The following DNAH6 variants were observed in gnomAD, a reference collection of about 807,000 sequenced individuals.
The protein encoded by DNAH6 is dynein axonemal heavy chain 6, also known as axonemal beta dynein heavy chain 6.
Under a neutral mutation model 491.4 loss-of-function variants are expected in DNAH6, and 340 were observed. The ratio of observed to expected loss-of-function variants is 0.69; its 90% CI spans 0.63 to 0.76. DNAH6 has a LOEUF of 0.76. Among genes scored for constraint, DNAH6 ranks in the 30% least tolerant of loss-of-function variants. The probability of loss-of-function intolerance (pLI) is 0.00; values close to 1 mark genes in which losing one functional copy is unlikely to be tolerated. For missense variants in DNAH6, 4,443 were observed against 4,972.2 expected, an observed-to-expected ratio of 0.89 and a Z score of 3.20; for synonymous variants, 1,603 against 1,686.1, an observed-to-expected ratio of 0.95 and a Z score of 1.21.
rs201811286 is a variant in DNAH6 at position 84,733,510 on chromosome 2, G to A, written c.10273G>A (p.Glu3425Lys). The A allele has an allele frequency of 3.7e-5, 58 of 1,551,360 alleles. No individual in the cohort carries two copies. Among genetic ancestry groups the A allele is most frequent in the Non-Finnish European group, 7.0e-6 (8 of 1,146,818 alleles). ...TACATGGTTCGCATGCTGTGACTTGGAAGAATCATTTCCAGTTTTTCACGG... is the reference window on the plus strand; with the variant it reads ...TACATGGTTCGCATGCTGTGACTTGAAAGAATCATTTCCAGTTTTTCACGG... Reference protein sequence around the residue: ...TATWFACCDLEESFPVFHGLT... With the variant: ...TATWFACCDLKESFPVFHGLT... The change falls in exon 62 of 77, where the codon GAA becomes AAA. Residue 3425 changes from glutamate to lysine, a missense_variant. By Grantham distance (56) the Glu-to-Lys change is moderately conservative (BLOSUM62 1). Coordinates refer to ENST00000389394, the MANE Select transcript of DNAH6 (RefSeq NM_001370.2).
At chr2:84,489,889 G>A in the DNAH6 span, among the ~76,000 whole-genome samples, 3,561 of 152,114 alleles carry the variant, frequency 0.023, 81 homozygotes, top group Non-Finnish European at 0.03. Context: ...CATTTCTAAC[G>A]AGTTCCCAGG....
intron 17 of DNAH6, among the ~76,000 whole-genome samples, chr2:84,595,119 A>G (rs190288338): frequency 2.5e-3 from 380 of 152,280 alleles, no homozygotes; most frequent in African/African-American, 8.6e-3. Flanking sequence ...TGGACTTAGA[A>G]AAAAAGAAAA....
At chr2:84,688,625 T>G in intron 45 of DNAH6, 32 bp downstream of exon 45, 3 of 1,478,838 alleles carry the variant, frequency 2.0e-6, no homozygotes, top group African/African-American at 1.5e-5. Flanking sequence ...AATAATGCAT[T>G]GATTTAATAT....
intron 63 of DNAH6, among the ~76,000 whole-genome samples, chr2:84,759,022 G>A (rs1272448145): frequency 6.6e-6 from 1 of 151,886 alleles, no homozygotes; most frequent in African/African-American, 2.4e-5. Flanking sequence ...TTGATGATAT[G>A]GTATAGTATG....
At chr2:84,686,136 C>T (rs1694234314) in intron 43 of DNAH6, among the ~76,000 whole-genome samples, 1 of 150,852 alleles carries the variant, frequency 6.6e-6, no homozygotes, top group Non-Finnish European at 1.5e-5. Flanking sequence ...TGCGGTGAGC[C>T]GAGATCGCAT....
At chr2:84,786,855 A>AT (rs756726779) in intron 67 of DNAH6, among the ~76,000 whole-genome samples, 1 of 151,682 alleles carries the variant, frequency 6.6e-6, no homozygotes, top group South Asian at 2.1e-4. Flanking sequence ...TGTAGGTGAA[A>AT]TTTTTTTTTC....
intron 29 of DNAH6, among the ~76,000 whole-genome samples, chr2:84,625,727 A>G (rs1368646199): frequency 1.3e-5 from 2 of 152,162 alleles, no homozygotes; most frequent in Admixed American, 6.5e-5. Context: ...TATATTTTTG[A>G]AAATCTCTAA....
At chr2:84,717,467 C>T (rs1163998125) in intron 58 of DNAH6, among the ~76,000 whole-genome samples, 1 of 152,146 alleles carries the variant, frequency 6.6e-6, no homozygotes, top group Non-Finnish European at 1.5e-5. Flanking sequence ...CAGGTACAAG[C>T]CCAGCTTGGC....
At chr2:84,784,640 A>T in intron 65 of DNAH6, 82 bp from the exon 66 acceptor site, 2 of 838,450 alleles carry the variant, frequency 2.4e-6, no homozygotes, top group Admixed American at 4.8e-5. Context: ...TTCCTTCTCT[A>T]GAAATAATCA....
intron 11 of DNAH6, among the ~76,000 whole-genome samples, chr2:84,570,532 C>T (rs1453404229): frequency 6.6e-6 from 1 of 152,170 alleles, no homozygotes; most frequent in Admixed American, 6.5e-5. Flanking sequence ...AGTCAGCACT[C>T]TGTGAAAATG....
At chr2:84,588,622 T>C (rs1404863280) in intron 15 of DNAH6, among the ~76,000 whole-genome samples, 1 of 152,258 alleles carries the variant, frequency 6.6e-6, no homozygotes, top group African/African-American at 2.4e-5. Context: ...TTTATCTCCA[T>C]GGCACTTTAT....
upstream of DNAH6, among the ~76,000 whole-genome samples, chr2:84,511,647 C>A (rs2104381271): frequency 6.6e-6 from 1 of 152,346 alleles, no homozygotes; most frequent in African/African-American, 2.4e-5. Context: ...GCAGAAATCA[C>A]CTGTCTTCTG....
rs1353502056 is a variant in DNAH6 at position 84,669,370 on chromosome 2, A to T, written c.6166A>T (p.Thr2056Ser). ...GGATCCCTGGGAACGAATCATACCT[A>T]CTTTCAAATACAACCGAGATGTTCC... The part of the protein sequence containing the change: ...RLDPWERIIP[T>S]FKYNRDVPFF... The change falls in exon 38 of 77, where the codon ACT (threonine) becomes TCT (serine). Residue 2056 changes from threonine (T) to serine (S), a missense_variant. Transcript: ENST00000389394. 3.2e-6 allele frequency: 5 copies of T among 1,546,856 alleles called. No individual in the cohort carries two copies. Among genetic ancestry groups the T allele is most frequent in the East Asian group, 2.4e-5 (1 of 40,916 alleles).
At chr2:84,681,704 C>T (rs1219639428) in intron 42 of DNAH6, among the ~76,000 whole-genome samples, 176 bp downstream of exon 42, 1 of 151,966 alleles carries the variant, frequency 6.6e-6, no homozygotes, top group Non-Finnish European at 1.5e-5. Context: ...AACACTGCCT[C>T]CCATTTCTCA....
intron 1 of DNAH6, 64 bp from the exon 2 acceptor site, chr2:84,517,755 A>G (rs1675734731): frequency 1.6e-6 from 2 of 1,262,340 alleles, no homozygotes; most frequent in African/African-American, 3.0e-5. Flanking sequence ...CCTCTCCAGT[A>G]GCCTCCTTCC....
At chr2:84,748,435 C>T (rs1485799538) in intron 63 of DNAH6, among the ~76,000 whole-genome samples, 2 of 152,202 alleles carry the variant, frequency 1.3e-5, no homozygotes, top group Non-Finnish European at 2.9e-5. Context: ...TAGGTCATCA[C>T]TCTTAAATTC....
In DNAH6 at chr2:84,686,536, C is replaced by A; in HGVS notation, c.7116C>A (p.Ile2372=). ...IDLEYFLNKP[I]IFGDFIKFGA... is the part of the protein sequence containing the mutation. ...TGGAATATTTTTTGAATAAGCCCAT[C>A]ATATTTGGAGATTTCATTAAGGCAA... is the stretch of plus-strand genomic sequence containing the variant. Residue 2372 remains isoleucine, a synonymous_variant, in exon 44 of 77, where the codon ATC becomes ATA. Coordinates refer to ENST00000389394, the MANE Select transcript of DNAH6 (RefSeq NM_001370.2). The A allele has an allele frequency of 6.5e-7, 1 of 1,534,958 alleles. No homozygotes were observed. The highest frequency in any genetic ancestry group is 8.8e-7 in the Non-Finnish European group (1 of 1,134,118).
chr2:84,560,731 T>C (rs184644516), intron 11 of DNAH6, among the ~76,000 whole-genome samples: 18 of 152,300 alleles, frequency 1.2e-4, no homozygotes, highest in Admixed American at 4.6e-4. Context: ...GTCCTTGTGA[T>C]AGTTTACTGA....
At chr2:84,610,523 T>C (rs1686223949) in intron 21 of DNAH6, among the ~76,000 whole-genome samples, 1 of 152,172 alleles carries the variant, frequency 6.6e-6, no homozygotes, top group Admixed American at 6.6e-5. Flanking sequence ...GAATCTTTCC[T>C]TGTGGTGCAC....
Sources: allele counts gnomAD v4.1 joint callset (sites outside exome capture counted in the v4.1 genomes callset), GRCh38; gene constraint gnomAD v4.1.1; transcripts MANE v1.5; gene names NCBI Gene and HGNC (gene_info 2026-07-23, HGNC 2026-07-21).